The following WDFY4 variants were observed in gnomAD, a reference collection of about 807,000 sequenced individuals.
WDFY4 encodes WDFY family member 4.
WDFY4 carries 169 observed loss-of-function variants against 351.9 expected under a neutral mutation model. The observed-to-expected ratio is 0.48, with a 90% confidence interval of 0.42 to 0.55. WDFY4 has a LOEUF of 0.55. Among genes scored for constraint, WDFY4 ranks in the 20% least tolerant of loss-of-function variants. The pLI, the probability that WDFY4 is intolerant of heterozygous loss-of-function variation, is 0.00. For synonymous variants in WDFY4, 1,622 were observed against 1,574.6 expected (o/e 1.03, Z -0.71); for missense variants, 3,803 against 3,935.6 (o/e 0.97, Z 0.90).
At chr10:48,936,442 T>C (rs898807390) in intron 47 of WDFY4, among the ~76,000 whole-genome samples, 3 of 152,026 alleles carry the variant, frequency 2.0e-5, no homozygotes, top group Non-Finnish European at 4.4e-5. Flanking sequence ...TTAAATAATA[T>C]AAAAATCATA....
At position 48,818,974 on chromosome 10, in the gene WDFY4, C is replaced by T. The variant is rs1462436368; in HGVS notation, c.5506-1260C>T. Among the ~76,000 whole-genome samples, 5 of 152,296 alleles carry T rather than the reference C, an allele frequency of 3.3e-5. No individual in the cohort carries two copies. The East Asian group carries it at 5.8e-4, about 18-fold the overall frequency. ...GGGCAGGTTTTCTGCAGGGGTCCAG[C>T]GGCCTAACATTCTCTACCCAGATGC... On this transcript the variant is annotated intron_variant, in intron 32 of 61. Coordinates refer to ENST00000325239, the MANE Select transcript of WDFY4 (RefSeq NM_001394531.1).
chr10:48,731,917 G>A (rs911162067), intron 9 of WDFY4, among the ~76,000 whole-genome samples: 1 of 152,196 alleles, frequency 6.6e-6, no homozygotes, highest in African/African-American at 2.4e-5. Flanking sequence ...CCCTCCTGGG[G>A]TCTGCTGGGA....
At chr10:48,720,744 T>G (rs1387732661) in intron 3 of WDFY4, among the ~76,000 whole-genome samples, 1 of 152,214 alleles carries the variant, frequency 6.6e-6, no homozygotes, top group Non-Finnish European at 1.5e-5. Flanking sequence ...CTCTTGGTCC[T>G]GAAAAGACAC....
At chr10:48,801,468 A>G (rs1232157651) in intron 24 of WDFY4, 1 of 455,100 alleles carries the variant, frequency 2.2e-6, no homozygotes, top group South Asian at 1.6e-5. Flanking sequence ...TTCATGAATC[A>G]ATATCCTAAG....
chr10:48,915,123 G>A (rs761470235), intron 47 of WDFY4, among the ~76,000 whole-genome samples: 4 of 152,130 alleles, frequency 2.6e-5, no homozygotes, highest in Non-Finnish European at 4.4e-5. Context: ...TTTCTTATTT[G>A]TGAAAACAGA....
In WDFY4 at chr10:48,875,156, A is replaced by T; in HGVS notation, c.7000+16A>T. ...GAAAACCAAGGTATTCAGTTTATCT[A>T]TTTTTTCCTTTAATAGTTAAGCTAA... On this transcript the variant is annotated intron_variant, in intron 42 of 61. Transcript: ENST00000325239. 1 of 1,389,636 alleles carries T rather than the reference A, an allele frequency of 7.2e-7. No homozygotes were observed. Among genetic ancestry groups the T allele is most frequent in the South Asian group, 1.8e-5 (1 of 56,146 alleles). The allele number at this position is 1,389,636 out of a possible 1,614,324, so 86.1% of individuals were successfully genotyped here. A position where few individuals can be genotyped will look rare whatever the true frequency, so the allele number is the denominator to read the frequency against.
intron 42 of WDFY4, 89 bp from the exon 43 acceptor site, chr10:48,876,944 C>T: frequency 7.6e-7 from 1 of 1,321,684 alleles, no homozygotes; most frequent in South Asian, 1.8e-5. Context: ...CCTTGCTGCT[C>T]CTTGGTGATG....
At chr10:48,942,480 A>G (rs1030151814) in intron 48 of WDFY4, among the ~76,000 whole-genome samples, 2 of 152,224 alleles carry the variant, frequency 1.3e-5, no homozygotes, top group African/African-American at 2.4e-5. Flanking sequence ...ACACATGTAT[A>G]CAGCCACATA....
intron 43 of WDFY4, among the ~76,000 whole-genome samples, chr10:48,884,889 T>G (rs570004416): frequency 1.7e-3 from 264 of 152,326 alleles, no homozygotes; most frequent in African/African-American, 5.2e-3. Flanking sequence ...CTGGGAGAGC[T>G]GATATCCTGC....
At chr10:48,784,190 A>C (rs1356466261) in intron 19 of WDFY4, among the ~76,000 whole-genome samples, 1 of 152,232 alleles carries the variant, frequency 6.6e-6, no homozygotes, top group Non-Finnish European at 1.5e-5. Context: ...GTCTTCATCT[A>C]TCTGGGATGA....
rs763444739 is a variant in WDFY4, at chr10:48,966,525, G to A, written c.8437-1G>A. On this transcript the variant is annotated splice_acceptor_variant, in intron 54 of 61. Coordinates refer to ENST00000325239, the MANE Select transcript of WDFY4 (RefSeq NM_001394531.1). LOFTEE classifies it high-confidence loss of function. ...TGTGTGTCTGTTCCCTGTCTCTCTA[G>A]CTCTTTACCAAACCTCACCCAGCCA... 6.4e-7 allele frequency: 1 copy of A among 1,551,904 alleles called. No individual in the cohort carries two copies.
chr10:48,902,242 G>A (rs908905521), intron 47 of WDFY4, among the ~76,000 whole-genome samples: 15 of 152,352 alleles, frequency 9.8e-5, no homozygotes, highest in Admixed American at 2.6e-4. Context: ...GTTTCTGAAC[G>A]CTTAGAAGCT....
At chr10:48,875,477 T>TAA (rs1250653072) in intron 42 of WDFY4, among the ~76,000 whole-genome samples, 1 of 152,190 alleles carries the variant, frequency 6.6e-6, no homozygotes, top group Non-Finnish European at 1.5e-5. Flanking sequence ...TGCAGTGGCA[T>TAA]AATCACAACT....
Position 48,959,801 on chromosome 10 carries a change from C to A in WDFY4, c.8211C>A (p.Ser2737Arg), listed in dbSNP as rs1273448443. The change falls in exon 53 of 62, where the codon AGC (serine) becomes AGA (arginine). Residue 2737 changes from serine to arginine, a missense_variant. Ser to Arg is a moderately radical substitution (Grantham distance 110). Coordinates refer to ENST00000325239, the MANE Select transcript of WDFY4 (RefSeq NM_001394531.1). ...ATGGGGACCCTCGGAAATTCATCAG[C>A]CTGCACAGAAAGGTGAGTCAGGCCA... ...WADGDPRKFI[S>R]LHRKALESDF... is the part of the protein sequence containing the mutation. 1.3e-6 allele frequency: 2 copies of A among 1,550,582 alleles called. No individual in the cohort carries two copies. Among genetic ancestry groups the A allele is most frequent in the African/African-American group, 1.4e-5 (1 of 73,118 alleles).
intron 13 of WDFY4, among the ~76,000 whole-genome samples, chr10:48,769,327 C>T (rs765119578): frequency 2.0e-5 from 3 of 152,156 alleles, no homozygotes; most frequent in Non-Finnish European, 4.4e-5. Context: ...AAAGTTCATG[C>T]TCATATAAAG....
intron 47 of WDFY4, among the ~76,000 whole-genome samples, chr10:48,936,170 A>G (rs994575372): frequency 1.3e-5 from 2 of 152,170 alleles, no homozygotes; most frequent in Admixed American, 6.5e-5. Flanking sequence ...GTACAAAAAA[A>G]GCAAAATAAA....
intron 32 of WDFY4, among the ~76,000 whole-genome samples, chr10:48,819,600 G>A (rs558207238): frequency 1.3e-5 from 2 of 152,312 alleles, no homozygotes; most frequent in South Asian, 2.1e-4. Flanking sequence ...CCTCCTGGAC[G>A]TATCTGGGGT....
intron 41 of WDFY4, among the ~76,000 whole-genome samples, chr10:48,873,947 G>T (rs1270765742): frequency 6.6e-6 from 1 of 152,198 alleles, no homozygotes; most frequent in African/African-American, 2.4e-5. Flanking sequence ...GTGTTGAGTG[G>T]TGAGTGGTTC....
At chr10:48,966,416 A>G (rs1416119474) in intron 54 of WDFY4, 110 bp from the exon 55 acceptor site, 2 of 1,235,640 alleles carry the variant, frequency 1.6e-6, no homozygotes, top group African/African-American at 3.0e-5. Flanking sequence ...GTCAGGAACA[A>G]GCCGAGCTGT....
Sources: gnomAD v4.1 joint callset for allele counts (sites outside exome capture counted in the v4.1 genomes callset) on GRCh38, gnomAD v4.1.1 for gene constraint, MANE v1.5 for transcripts, NCBI Gene and HGNC (gene_info 2026-07-23, HGNC 2026-07-21) for gene names.